Variants in MEF2D observed in about 807,000 individuals in gnomAD.
MEF2D encodes the protein myocyte-specific enhancer factor 2D.
A neutral mutation model predicts 59.3 loss-of-function variants in MEF2D; 10 were observed. The ratio of observed to expected loss-of-function variants is 0.17; its 90% confidence interval spans 0.10 to 0.29. The LOEUF (loss-of-function observed/expected upper bound fraction) is 0.29. Among genes scored for constraint, MEF2D ranks in the 10% least tolerant of loss-of-function variants. The probability of loss-of-function intolerance (pLI) is 1.00; values close to 1 mark genes in which losing one functional copy is unlikely to be tolerated. For missense variants in MEF2D, 508 were observed against 699.4 expected, an observed-to-expected ratio of 0.73 and a Z score of 3.09; for synonymous variants, 305 against 295.0, an observed-to-expected ratio of 1.03 and a Z score of -0.35.
At chr1:156,498,099 A>AT (rs1189809269) in intron 1 of MEF2D, among the ~76,000 whole-genome samples, 3 of 113,308 alleles carry the variant, frequency 2.6e-5, no homozygotes, top group Admixed American at 9.3e-5. Context: ...CCCAGGAAAG[A>AT]TTAAAAAAAA....
At chr1:156,484,939 T>A (rs1232759080) in intron 1 of MEF2D, among the ~76,000 whole-genome samples, 1 of 151,672 alleles carries the variant, frequency 6.6e-6, no homozygotes, top group Non-Finnish European at 1.5e-5. Flanking sequence ...ATTCCAGGAG[T>A]CCTTGCATCA....
At chr1:156,498,391 CTG>C (rs1285430460) in intron 1 of MEF2D, among the ~76,000 whole-genome samples, 1 of 152,184 alleles carries the variant, frequency 6.6e-6, no homozygotes, top group East Asian at 1.9e-4. Context: ...ATGAGGCTCT[CTG>C]GGTCCTGCTT....
chr1:156,468,853 G>T lies in MEF2D; in HGVS notation c.1174C>A (p.Gln392Lys). Residue 392 changes from glutamine (Q) to lysine (K), a missense_variant, in exon 10 of 12, where the codon CAG (glutamine) becomes AAG (lysine). By Grantham distance (53) the Gln-to-Lys change is moderately conservative (BLOSUM62 1). This residue lies in a region of MEF2D where 481 missense variants were observed against 584.7 expected (regional missense o/e 0.82). Transcript: ENST00000348159. This position sits in a 1 kb window ranked among gnomAD's most constrained non-coding sequence, Gnocchi z 4.3. Reference sequence around the variant, plus strand: ...GGCTGTTGCGGCTGCTGAGGCTGCTGTGGCTGTGGCTGCTGTGGCTGCGGT... The same window carrying T: ...GGCTGTTGCGGCTGCTGAGGCTGCTTTGGCTGTGGCTGCTGTGGCTGCGGT... ...QPPQPQQPQP[Q>K]QPQQPQQPPQ... The T allele has an allele frequency of 6.2e-7, 1 of 1,613,904 alleles. No homozygotes were observed. The highest frequency in any genetic ancestry group is 8.5e-7 in the Non-Finnish European group (1 of 1,179,894).
intron 1 of MEF2D, among the ~76,000 whole-genome samples, chr1:156,491,970 C>A (rs575916930): frequency 6.6e-6 from 1 of 152,352 alleles, no homozygotes; most frequent in South Asian, 2.1e-4. Flanking sequence ...TATAGTAACT[C>A]CCAGTGATAC....
intron 9 of MEF2D, among the ~76,000 whole-genome samples, chr1:156,473,495 A>G (rs1671375353): frequency 6.6e-6 from 1 of 152,230 alleles, no homozygotes; most frequent in African/African-American, 2.4e-5. Flanking sequence ...AACCTGAGGA[A>G]GGCAGAGGTC....
intron 7 of MEF2D, 29 bp downstream of exon 7, chr1:156,476,983 C>T (rs2102064446): frequency 3.1e-6 from 5 of 1,612,692 alleles, no homozygotes; most frequent in Non-Finnish European, 3.4e-6. Flanking sequence ...ATTCCCCAGC[C>T]CCCACCCTTG....
chr1:156,468,908 C>T lies in MEF2D; in HGVS notation c.1119G>A (p.Pro373=), dbSNP rs759585057. Residue 373 remains proline (P), a synonymous_variant, in exon 10 of 12, where the codon CCG becomes CCA. Transcript: ENST00000348159. The surrounding 1 kb of genome is among the most constrained non-coding windows in gnomAD (Gnocchi z 4.3). ...GCTGCTGTGGAGGCTGTGGCTGCTG[C>T]GGCTGCTGGGGCTGCTGTGGCTGTT... is the stretch of plus-strand genomic sequence containing the variant. ...AWQQPQQPQQ[P]QQPQPPQQQP... 38 of 1,613,224 alleles carry T rather than the reference C, an allele frequency of 2.4e-5. No individual in the cohort carries two copies. Among genetic ancestry groups the T allele is most frequent in the South Asian group, 1.4e-4 (13 of 91,044 alleles).
intron 1 of MEF2D, among the ~76,000 whole-genome samples, chr1:156,492,679 T>G (rs1392049036): frequency 6.6e-6 from 1 of 152,202 alleles, no homozygotes; most frequent in Non-Finnish European, 1.5e-5. Context: ...CAGGGGCCCT[T>G]GGCTATCAGA....
chr1:156,479,842 T>A (rs1486548010), intron 4 of MEF2D, 46 bp from the exon 5 acceptor site: 1 of 1,521,244 alleles, frequency 6.6e-7, no homozygotes, highest in African/African-American at 1.4e-5. Flanking sequence ...GTTGACCCCT[T>A]CCATGGAGTC....
chr1:156,481,986 A>G (rs1672051794), intron 3 of MEF2D, among the ~76,000 whole-genome samples: 1 of 152,270 alleles, frequency 6.6e-6, no homozygotes, highest in Non-Finnish European at 1.5e-5. Flanking sequence ...TGAAACAGAA[A>G]ATAGAACTAC....
intron 1 of MEF2D, among the ~76,000 whole-genome samples, chr1:156,486,535 C>T (rs1672373563): frequency 6.6e-6 from 1 of 152,212 alleles, no homozygotes; most frequent in African/African-American, 2.4e-5. Flanking sequence ...ATCTCCCTCT[C>T]ACCACCTTTA....
chr1:156,481,110 T>C, intron 3 of MEF2D, 139 bp from the exon 4 acceptor site: 1 of 1,227,270 alleles, frequency 8.1e-7, no homozygotes, highest in Non-Finnish European at 1.1e-6. Context: ...CCCTGGCCCC[T>C]CCCCACTGAC....
At position 156,479,293 on chromosome 1, in the gene MEF2D, C is replaced by G; in HGVS notation, c.661G>C (p.Val221Leu). The change falls in exon 6 of 12, where the codon GTT (valine) becomes CTT (leucine). Residue 221 changes from valine to leucine, a missense_variant. Physicochemically the swap from Val to Leu is conservative, Grantham distance 32 (BLOSUM62 1). Transcript: ENST00000348159. ...GTAGAAGGATGACTGCACTCACCAA[C>G]AGGGCTGGGGCAGGCTCCGTTAGCA... The part of the protein sequence containing the change: ...NSANGACPSP[V>L]GNGYVSARAS... 1.2e-6 allele frequency: 2 copies of G among 1,611,628 alleles called. No individual in the cohort carries two copies. Among genetic ancestry groups the G allele is most frequent in the Non-Finnish European group, 1.7e-6 (2 of 1,179,030 alleles).
chr1:156,482,862 G>A (rs1672110038), intron 2 of MEF2D, among the ~76,000 whole-genome samples: 2 of 152,196 alleles, frequency 1.3e-5, no homozygotes, highest in Non-Finnish European at 2.9e-5. Context: ...TCACTGAAGG[G>A]GCAGGATTCA....
intron 4 of MEF2D, chr1:156,480,541 C>T (rs1671927944): frequency 3.2e-6 from 4 of 1,250,048 alleles, no homozygotes; most frequent in South Asian, 3.2e-5. Context: ...ACTAAGAACC[C>T]GAGCATGGCT....
At chr1:156,467,897 G>A in intron 11 of MEF2D, 96 bp downstream of exon 11, 1 of 1,456,198 alleles carries the variant, frequency 6.9e-7, no homozygotes, top group Non-Finnish European at 9.3e-7. Flanking sequence ...CGGCCACAAG[G>A]CCTCTTGGGT....
At position 156,468,447 on chromosome 1, in the gene MEF2D, G is replaced by A. The variant is rs559871205; in HGVS notation, c.1248-148C>T. 2 of 638,430 alleles carry A rather than the reference G, an allele frequency of 3.1e-6. No individual in the cohort carries two copies. The highest frequency in any genetic ancestry group is 2.1e-5 in the South Asian group (1 of 47,582). The allele number at this position is 638,430 out of a possible 1,614,324, so 39.5% of individuals were successfully genotyped here. ...GGGTGTTGGGGAGAGGCAATTGGAT[G>A]GAGAGTGATCAGAAGAGGGTCGAAT... On this transcript the variant is annotated intron_variant, in intron 10 of 11. Transcript: ENST00000348159. This position sits in a 1 kb window ranked among gnomAD's most constrained non-coding sequence, Gnocchi z 4.3.
intron 1 of MEF2D, among the ~76,000 whole-genome samples, chr1:156,499,084 G>C (rs370075338): frequency 6.6e-6 from 1 of 152,116 alleles, no homozygotes; most frequent in East Asian, 1.9e-4. Flanking sequence ...GTGGGAGGTG[G>C]ACAGCTCCCA....
intron 2 of MEF2D, 89 bp from the exon 3 acceptor site, chr1:156,482,729 T>TGCCCTCAGGAGCCCCC (rs923811918): frequency 8.1e-7 from 1 of 1,233,070 alleles, no homozygotes; most frequent in African/African-American, 1.5e-5. Context: ...ACATAGCCCC[T>TGCCCTCAGGAGCCCCC]GCCCTCAGGA....
Sources: gnomAD v4.1 joint callset for allele counts (sites outside exome capture counted in the v4.1 genomes callset) on GRCh38, gnomAD v4.1.1 for gene constraint, gnomAD v4.1.1 regional missense constraint, Gnocchi (gnomAD v3.1) non-coding constraint, MANE v1.5 for transcripts, NCBI Gene and HGNC (gene_info 2026-07-23, HGNC 2026-07-21) for gene names.